The following DMRT1 variants were observed in gnomAD, a reference collection of about 807,000 sequenced individuals.
The protein encoded by DMRT1 is doublesex- and mab-3-related transcription factor 1.
Under a neutral mutation model 32.3 loss-of-function variants are expected in DMRT1, and 7 were observed. That is an observed-to-expected ratio of 0.22 (90% CI 0.12 to 0.41). DMRT1 has a LOEUF of 0.41. Ranked by LOEUF, DMRT1 falls within the 10% of genes least tolerant of loss-of-function variation. DMRT1 has a pLI of 1.00. For synonymous variants in DMRT1, 278 were observed against 206.1 expected (o/e 1.35, Z -2.99); for missense variants, 625 against 500.5 (o/e 1.25, Z -2.37).
At chr9:846,163 C>G (rs1403375936) in intron 1 of DMRT1, among the ~76,000 whole-genome samples, 9 of 151,552 alleles carry the variant, frequency 5.9e-5, no homozygotes, top group Non-Finnish European at 4.4e-5. Flanking sequence ...TCCCGAGTAG[C>G]TGGGACTACA....
chr9:947,074 C>T (rs910437724), intron 4 of DMRT1, among the ~76,000 whole-genome samples: 5 of 152,304 alleles, frequency 3.3e-5, no homozygotes, highest in Admixed American at 6.5e-5. Context: ...AGCAACTCGT[C>T]TACAGCAGCT....
intron 4 of DMRT1, 59 bp from the exon 5 acceptor site, chr9:967,926 C>G: frequency 6.7e-7 from 1 of 1,495,934 alleles, no homozygotes; most frequent in Non-Finnish European, 9.2e-7. Context: ...AAAGACCAGC[C>G]ACTTTTAACA....
chr9:842,348 C>G (rs1344994189), intron 1 of DMRT1, 156 bp downstream of exon 1: 2 of 960,808 alleles, frequency 2.1e-6, no homozygotes, highest in South Asian at 3.4e-5. Flanking sequence ...AATTCTCCTG[C>G]CTCAGCCTCC....
Position 871,836 on chromosome 9 carries a change from G to C in DMRT1, c.539-22076G>C, listed in dbSNP as rs138486291. Among the ~76,000 whole-genome samples the C allele has an allele frequency of 2.6e-5, 4 of 151,312 alleles. No homozygotes were observed. The East Asian group carries it at 7.8e-4, about 29-fold the overall frequency. On this transcript the variant is annotated intron_variant, in intron 2 of 4. Transcript: ENST00000382276. ...GGAAGATGGCCCAGCATTTTTGTCT[G>C]ATTCTTCAAGGAGTCTGTGACCTAA... is the stretch of plus-strand genomic sequence containing the variant.
intron 4 of DMRT1, among the ~76,000 whole-genome samples, chr9:962,609 G>A (rs1039231572): frequency 7.2e-5 from 11 of 152,018 alleles, no homozygotes; most frequent in Non-Finnish European, 1.0e-4. Context: ...TGTGGTCCAG[G>A]AGGGCCTGGG....
intron 2 of DMRT1, among the ~76,000 whole-genome samples, chr9:859,327 A>T (rs990239679): frequency 2.6e-4 from 40 of 152,132 alleles, no homozygotes; most frequent in African/African-American, 9.4e-4. Flanking sequence ...CTGTATACTA[A>T]CACCTTATGC....
chr9:901,793 G>C (rs893743975), intron 3 of DMRT1, among the ~76,000 whole-genome samples: 3 of 151,840 alleles, frequency 2.0e-5, no homozygotes, highest in African/African-American at 7.3e-5. Flanking sequence ...ACCTGCCCTG[G>C]GCCCTCTCAC....
intron 2 of DMRT1, among the ~76,000 whole-genome samples, chr9:884,955 G>C (rs897504907): frequency 2.6e-5 from 4 of 152,240 alleles, no homozygotes; most frequent in Non-Finnish European, 4.4e-5. Flanking sequence ...GGGCAACAGA[G>C]TGAGTGAGAC....
rs114148333 is a variant in DMRT1, at chr9:929,712, C to T, written c.967+12805C>T. 7.5e-3 allele frequency among the ~76,000 whole-genome samples: 1,147 copies of T among 152,044 alleles called. 13 individuals are homozygous for T. The highest frequency in any genetic ancestry group is 0.027 in the African/African-American group (1,116 of 41,370). ...TCATGCATTTTGTTCCGTTGTCCCCCTGTTTGTGCCAGGCCTAACAGTGAC... is the reference window on the plus strand; with the variant it reads ...TCATGCATTTTGTTCCGTTGTCCCCTTGTTTGTGCCAGGCCTAACAGTGAC... On this transcript the variant is annotated intron_variant, in intron 4 of 4. Transcript: ENST00000382276.
chr9:941,281 A>C (rs1184507071), intron 4 of DMRT1, among the ~76,000 whole-genome samples: 2 of 152,040 alleles, frequency 1.3e-5, no homozygotes, highest in Non-Finnish European at 2.9e-5. Flanking sequence ...CAGAGGGTGG[A>C]CAAAGAAAAT....
intron 2 of DMRT1, among the ~76,000 whole-genome samples, chr9:875,239 G>A (rs988135271): frequency 5.3e-4 from 80 of 151,910 alleles, no homozygotes; most frequent in Non-Finnish European, 4.4e-5. Flanking sequence ...TATTGTTTCC[G>A]TGGTGGAATA....
At chr9:962,075 G>A (rs998160454) in intron 4 of DMRT1, among the ~76,000 whole-genome samples, 3 of 152,162 alleles carry the variant, frequency 2.0e-5, no homozygotes, top group African/African-American at 7.2e-5. Flanking sequence ...AAAGCCCCAC[G>A]ATGATTAGGT....
intron 2 of DMRT1, among the ~76,000 whole-genome samples, chr9:868,006 G>C (rs1816066214): frequency 6.6e-6 from 1 of 152,098 alleles, no homozygotes; most frequent in Non-Finnish European, 1.5e-5. Flanking sequence ...TTTTGAGACA[G>C]GGTCTCTATC....
chr9:874,515 A>C (rs12345023), intron 2 of DMRT1, among the ~76,000 whole-genome samples: 2,249 of 152,280 alleles, frequency 0.015, 55 homozygotes, highest in African/African-American at 0.052. Context: ...CCTTAAATAC[A>C]TGTCTGTGCA....
intron 1 of DMRT1, 129 bp from the exon 2 acceptor site, chr9:846,831 A>T: frequency 8.4e-7 from 1 of 1,185,816 alleles, no homozygotes; most frequent in Non-Finnish European, 1.2e-6. Context: ...GTTTAAGAAG[A>T]AATGGGAGAT....
At chr9:963,934 T>C (rs1249879613) in intron 4 of DMRT1, among the ~76,000 whole-genome samples, 1 of 152,276 alleles carries the variant, frequency 6.6e-6, no homozygotes, top group African/African-American at 2.4e-5. Flanking sequence ...TTTGTTTGTC[T>C]GCCTTGGCAG....
intron 4 of DMRT1, among the ~76,000 whole-genome samples, chr9:942,187 T>C (rs965850124): frequency 2.6e-5 from 4 of 152,256 alleles, no homozygotes; most frequent in African/African-American, 9.6e-5. Flanking sequence ...GATTAACTTT[T>C]CTGTTTCTTT....
At chr9:932,938 G>C (rs141385537) in intron 4 of DMRT1, among the ~76,000 whole-genome samples, 1 of 151,732 alleles carries the variant, frequency 6.6e-6, no homozygotes, top group African/African-American at 2.4e-5. Context: ...TTTGAGACAG[G>C]GTTTTGCTCT....
At chr9:858,763 A>G (rs1046395348) in intron 2 of DMRT1, among the ~76,000 whole-genome samples, 8 of 151,016 alleles carry the variant, frequency 5.3e-5, no homozygotes, top group African/African-American at 1.9e-4. Flanking sequence ...AATCCCAACT[A>G]CTTGTGAGGC....
Sources: allele counts gnomAD v4.1 joint callset (sites outside exome capture counted in the v4.1 genomes callset), GRCh38; gene constraint gnomAD v4.1.1; transcripts MANE v1.5; gene names NCBI Gene and HGNC (gene_info 2026-07-23, HGNC 2026-07-21).